Variants in DPYD observed in about 807,000 individuals in gnomAD.
DPYD encodes dihydropyrimidine dehydrogenase, also known as dihydropyrimidine dehydrogenase [NADP(+)].
A neutral mutation model predicts 116.2 loss-of-function variants in DPYD; 109 were observed. The ratio of observed to expected loss-of-function variants is 0.94; its 90% CI spans 0.80 to 1.10. The LOEUF is 1.10. Among genes scored for constraint, DPYD ranks in the 50% least tolerant of loss-of-function variants. The pLI is 0.00. For missense variants in DPYD, 1,302 were observed against 1,254.5 expected (o/e 1.04, Z -0.57); for synonymous variants, 440 against 432.0 (o/e 1.02, Z -0.23).
intron 21 of DPYD, among the ~76,000 whole-genome samples, chr1:97,089,511 T>A (rs751825094): frequency 1.3e-5 from 2 of 152,176 alleles, no homozygotes; most frequent in African/African-American, 4.8e-5. Context: ...TCCTTGTTCA[T>A]CTTTTAGAAG....
At chr1:97,758,892 GTCC>G (rs1665411016) in intron 3 of DPYD, among the ~76,000 whole-genome samples, 1 of 152,088 alleles carries the variant, frequency 6.6e-6, no homozygotes, top group Non-Finnish European at 1.5e-5. Context: ...TTTATATCCT[GTCC>G]CTGCTACTTG....
chr1:97,235,140 G>A (rs1013709071), intron 18 of DPYD, 146 bp from the exon 19 acceptor site: 7 of 893,940 alleles, frequency 7.8e-6, no homozygotes, highest in Middle Eastern at 2.9e-4. Flanking sequence ...ATATACATAT[G>A]TAGTGTATAA....
intron 8 of DPYD, among the ~76,000 whole-genome samples, chr1:97,653,892 G>A (rs1217621454): frequency 6.6e-6 from 1 of 152,082 alleles, no homozygotes; most frequent in Non-Finnish European, 1.5e-5. Flanking sequence ...GAAATAATAA[G>A]GCTTTAATTA....
intron 14 of DPYD, among the ~76,000 whole-genome samples, chr1:97,407,804 C>T (rs1209817361): frequency 6.6e-6 from 1 of 152,116 alleles, no homozygotes; most frequent in East Asian, 1.9e-4. Flanking sequence ...CCTGTTCCCA[C>T]AACATTATGT....
chr1:97,143,088 A>T (rs1407302616), intron 20 of DPYD, among the ~76,000 whole-genome samples: 3 of 152,056 alleles, frequency 2.0e-5, no homozygotes, highest in African/African-American at 7.2e-5. Flanking sequence ...TTTTTAAATA[A>T]CAAAAACAGG....
chr1:97,671,320 G>A (rs74969953), intron 8 of DPYD, among the ~76,000 whole-genome samples: 4 of 151,946 alleles, frequency 2.6e-5, no homozygotes, highest in African/African-American at 9.6e-5. Context: ...ATCACAAAAC[G>A]CTCATTAAAT....
intron 18 of DPYD, among the ~76,000 whole-genome samples, chr1:97,236,468 G>C (rs1443329179): frequency 1.3e-5 from 2 of 152,094 alleles, no homozygotes; most frequent in Non-Finnish European, 2.9e-5. Context: ...AATTTGAAAA[G>C]GCTAGATAGC....
At chr1:97,345,409 T>C (rs1237995620) in intron 16 of DPYD, among the ~76,000 whole-genome samples, 12 of 151,962 alleles carry the variant, frequency 7.9e-5, no homozygotes, top group African/African-American at 2.9e-4. Context: ...CCTTAAATGT[T>C]CATTCACAAC....
chr1:97,181,209 T>C (rs1460055273), intron 20 of DPYD, among the ~76,000 whole-genome samples: 1 of 152,162 alleles, frequency 6.6e-6, no homozygotes, highest in East Asian at 1.9e-4. Flanking sequence ...TAGAGTTGCC[T>C]TGTAAAATGA....
At position 97,365,580 on chromosome 1, in the gene DPYD, T is replaced by C. The variant is rs1455526618; in HGVS notation, c.2058+7981A>G. 2.0e-5 allele frequency among the ~76,000 whole-genome samples: 3 copies of C among 152,234 alleles called. No homozygotes were observed. The East Asian group carries it at 5.8e-4, about 29-fold the overall frequency. On this transcript the variant is annotated intron_variant, in intron 16 of 22. Transcript: ENST00000370192. ...TAAAAAACTTAAAAAATACTTTTGTTGCTTATTTCTGGAATAAAACAAATG... is the reference window on the plus strand; with the variant it reads ...TAAAAAACTTAAAAAATACTTTTGTCGCTTATTTCTGGAATAAAACAAATG...
chr1:97,553,908 G>T (rs142746367), intron 11 of DPYD, among the ~76,000 whole-genome samples: 43 of 152,118 alleles, frequency 2.8e-4, no homozygotes, highest in African/African-American at 1.0e-3. Flanking sequence ...TCTTTATAAA[G>T]AATGAAAACG....
At chr1:97,155,828 A>G (rs1007979872) in intron 20 of DPYD, among the ~76,000 whole-genome samples, 2 of 152,184 alleles carry the variant, frequency 1.3e-5, no homozygotes, top group Non-Finnish European at 2.9e-5. Flanking sequence ...GTCTCACTAA[A>G]TAAGACAGAT....
chr1:97,225,042 T>TATC, intron 19 of DPYD, among the ~76,000 whole-genome samples: 1 of 151,590 alleles, frequency 6.6e-6, no homozygotes, highest in South Asian at 2.1e-4. Flanking sequence ...TCTATCTATC[T>TATC]ATCTATCTAT....
chr1:97,145,194 T>C (rs1349512503), intron 20 of DPYD, among the ~76,000 whole-genome samples: 4 of 152,210 alleles, frequency 2.6e-5, no homozygotes, highest in African/African-American at 9.6e-5. Flanking sequence ...AATCTAATGG[T>C]TGATTTTTTT....
At chr1:97,287,971 A>G (rs1255209767) in intron 18 of DPYD, among the ~76,000 whole-genome samples, 2 of 151,548 alleles carry the variant, frequency 1.3e-5, no homozygotes, top group Admixed American at 1.3e-4. Flanking sequence ...CATAGGCTCA[A>G]AATAAAAGGA....
At chr1:97,171,742 G>A (rs1181201597) in intron 20 of DPYD, among the ~76,000 whole-genome samples, 2 of 152,124 alleles carry the variant, frequency 1.3e-5, no homozygotes, top group African/African-American at 4.8e-5. Flanking sequence ...TCATTATCAT[G>A]ATTATCAATT....
rs138289110 is a variant in DPYD at position 97,877,267 on chromosome 1, T to C, written c.150+5997A>G. Among the ~76,000 whole-genome samples the C allele has an allele frequency of 5.4e-4, 82 of 151,984 alleles. 1 individual carries two copies. The highest frequency in any genetic ancestry group is 1.6e-3 in the African/African-American group (68 of 41,468). On this transcript the variant is annotated intron_variant, in intron 2 of 22. Transcript: ENST00000370192. ...CCAAAGTCCCCATGATGGTGACCAG[T>C]GGGAAGATGGCATGAAAAATCAGCT...
chr1:97,683,229 C>G (rs1389121332), intron 7 of DPYD, among the ~76,000 whole-genome samples: 2 of 151,850 alleles, frequency 1.3e-5, no homozygotes, highest in African/African-American at 4.8e-5. Flanking sequence ...ATTTAGCTAT[C>G]TTTAGAAATG....
At chr1:97,496,078 C>A (rs1225053690) in intron 13 of DPYD, among the ~76,000 whole-genome samples, 2 of 152,054 alleles carry the variant, frequency 1.3e-5, no homozygotes, top group African/African-American at 4.8e-5. Flanking sequence ...ATGTTCACTT[C>A]CTTTGCAAAA....
Sources: allele counts gnomAD v4.1 joint callset (sites outside exome capture counted in the v4.1 genomes callset), GRCh38; gene constraint gnomAD v4.1.1; transcripts MANE v1.5; gene names NCBI Gene and HGNC (gene_info 2026-07-23, HGNC 2026-07-21).